The following TENM2 variants were observed in gnomAD, a reference collection of about 807,000 sequenced individuals.
TENM2 encodes the protein teneurin-2.
TENM2 carries 52 observed loss-of-function variants against 245.2 expected under a neutral mutation model. That is an observed-to-expected ratio of 0.21 (90% confidence interval 0.17 to 0.27). The LOEUF is 0.27. Ranked by LOEUF, TENM2 falls within the 10% of genes least tolerant of loss-of-function variation. The pLI is 1.00. For missense variants in TENM2, 3,046 were observed against 3,666.8 expected (o/e 0.83, Z 4.37); for synonymous variants, 1,363 against 1,438.9 (o/e 0.95, Z 1.19).
intron 2 of TENM2, among the ~76,000 whole-genome samples, chr5:167,547,219 C>T (rs1285320178): frequency 2.6e-5 from 4 of 152,048 alleles, no homozygotes; most frequent in African/African-American, 9.7e-5. Flanking sequence ...GCGAGTAGCT[C>T]GGATTACAGG....
intron 2 of TENM2, among the ~76,000 whole-genome samples, chr5:167,811,141 G>A (rs1253061791): frequency 6.6e-6 from 1 of 152,026 alleles, no homozygotes; most frequent in Non-Finnish European, 1.5e-5. Flanking sequence ...AGAATTCTCA[G>A]GTAGGATTTG....
chr5:167,459,916 ACACACACACACACACACACG>A (rs1034999595), intron 2 of TENM2, among the ~76,000 whole-genome samples: 1 of 149,500 alleles, frequency 6.7e-6, no homozygotes, highest in Non-Finnish European at 1.5e-5. Context: ...AGATAAACAC[ACACACACACACACACACACG>A]CACACACACA....
chr5:167,452,964 T>TTAAATATATATATATTA (rs1554157789), intron 2 of TENM2, among the ~76,000 whole-genome samples: 3 of 108,212 alleles, frequency 2.8e-5, no homozygotes, highest in Admixed American at 1.0e-4. Flanking sequence ...TATATATATT[T>TTAAATATATATATATTA]AAAAAAAAAA....
chr5:167,239,930 G>T, the TENM2 span, among the ~76,000 whole-genome samples: 1 of 152,054 alleles, frequency 6.6e-6, no homozygotes, highest in Non-Finnish European at 1.5e-5. Flanking sequence ...GCGCCACCAT[G>T]CTCGGCTACT....
intron 2 of TENM2, among the ~76,000 whole-genome samples, chr5:167,763,581 T>C (rs1762814187): frequency 6.6e-6 from 1 of 152,182 alleles, no homozygotes; most frequent in African/African-American, 2.4e-5. Flanking sequence ...AGCTCAATTG[T>C]CTTCAATTGC....
the TENM2 span, among the ~76,000 whole-genome samples, chr5:167,203,382 C>G: frequency 2.0e-5 from 3 of 152,196 alleles, no homozygotes; most frequent in Non-Finnish European, 2.9e-5. Context: ...ACCACATACT[C>G]TCTCTGGAAT....
intron 2 of TENM2, among the ~76,000 whole-genome samples, chr5:167,655,414 A>C (rs1230414662): frequency 6.6e-6 from 1 of 152,194 alleles, no homozygotes; most frequent in Non-Finnish European, 1.5e-5. Flanking sequence ...CCACCTCTTG[A>C]CCAAGGAAAA....
intron 2 of TENM2, among the ~76,000 whole-genome samples, chr5:167,668,709 C>G (rs1169172845): frequency 6.6e-6 from 1 of 152,176 alleles, no homozygotes; most frequent in Non-Finnish European, 1.5e-5. Context: ...AATCCCAGAA[C>G]TTTGGGAGGC....
chr5:166,996,135 A>T, the TENM2 span, among the ~76,000 whole-genome samples: 1 of 152,070 alleles, frequency 6.6e-6, no homozygotes. Context: ...CCAGGTCAGG[A>T]GATCAAGACC....
At chr5:168,256,880 C>T (rs944412718) in intron 27 of TENM2, among the ~76,000 whole-genome samples, 3 of 152,194 alleles carry the variant, frequency 2.0e-5, no homozygotes, top group Non-Finnish European at 4.4e-5. Context: ...GCAATGTCAA[C>T]GTTAAATACC....
the TENM2 span, among the ~76,000 whole-genome samples, chr5:167,131,943 C>T: frequency 2.0e-5 from 3 of 152,158 alleles, no homozygotes; most frequent in Non-Finnish European, 4.4e-5. Context: ...CTGCCTCAGC[C>T]TCCTGAGTAG....
At chr5:167,628,389 T>C (rs1011431741) in intron 2 of TENM2, among the ~76,000 whole-genome samples, 1 of 152,202 alleles carries the variant, frequency 6.6e-6, no homozygotes, top group African/African-American at 2.4e-5. Flanking sequence ...AGGTCCTCTG[T>C]TGTCTAGTTT....
intron 3 of TENM2, among the ~76,000 whole-genome samples, chr5:167,896,492 A>G (rs1775237158): frequency 6.6e-6 from 1 of 152,238 alleles, no homozygotes; most frequent in Non-Finnish European, 1.5e-5. Context: ...TTCTTCAGGC[A>G]TGCATTCCTT....
intron 2 of TENM2, among the ~76,000 whole-genome samples, chr5:167,505,617 C>T (rs550157321): frequency 6.6e-6 from 1 of 152,102 alleles, no homozygotes; most frequent in Non-Finnish European, 1.5e-5. Context: ...ATGAAGTAAA[C>T]AGGAGGTGGG....
chr5:167,705,033 CTG>C (rs1241636114), intron 2 of TENM2, among the ~76,000 whole-genome samples: 2 of 152,148 alleles, frequency 1.3e-5, no homozygotes, highest in African/African-American at 2.4e-5. Flanking sequence ...CATCAAGAAA[CTG>C]TGTTGCTTTG....
intron 4 of TENM2, among the ~76,000 whole-genome samples, chr5:167,990,953 T>C (rs1408679575): frequency 6.6e-6 from 1 of 152,198 alleles, no homozygotes; most frequent in Non-Finnish European, 1.5e-5. Flanking sequence ...TGTGGTGTAG[T>C]AGGTCTGATT....
chr5:167,271,794 C>T, the TENM2 span, among the ~76,000 whole-genome samples: 1 of 152,120 alleles, frequency 6.6e-6, no homozygotes, highest in South Asian at 2.1e-4. Context: ...TGTGAATTTG[C>T]TTATTCTTTC....
intron 2 of TENM2, among the ~76,000 whole-genome samples, chr5:167,678,050 G>C (rs1197999528): frequency 2.0e-5 from 3 of 151,988 alleles, no homozygotes; most frequent in Non-Finnish European, 1.5e-5. Flanking sequence ...AATTTAAAAT[G>C]ACAGGTCACA....
chr5:168,231,009 GCT>G (rs1397361528), intron 25 of TENM2: 4 of 152,382 alleles, frequency 2.6e-5, no homozygotes, highest in Non-Finnish European at 2.9e-5. Context: ...TGCTCCAGTT[GCT>G]CTGTCTTGCG....
Sources: allele counts gnomAD v4.1 joint callset (sites outside exome capture counted in the v4.1 genomes callset), GRCh38; gene constraint gnomAD v4.1.1; transcripts MANE v1.5; gene names NCBI Gene and HGNC (gene_info 2026-07-23, HGNC 2026-07-21).